HIKESHI: variants seen among roughly 807,000 people sequenced by gnomAD.
HIKESHI encodes the protein heat shock protein nuclear import factor hikeshi, also known as protein Hikeshi.
A neutral mutation model predicts 25.7 loss-of-function variants in HIKESHI; 13 were observed. The observed-to-expected ratio is 0.51, with a 90% CI of 0.33 to 0.80. The LOEUF (loss-of-function observed/expected upper bound fraction) is 0.80. HIKESHI is among the 30% of genes least tolerant of loss of function. HIKESHI has a pLI of 0.02. For missense variants in HIKESHI, 174 were observed against 229.5 expected (o/e 0.76, Z 1.56); for synonymous variants, 76 against 78.7 (o/e 0.97, Z 0.18).
At position 86,306,414 on chromosome 11, in the gene HIKESHI, G is replaced by C. The variant is rs1381591405; in HGVS notation, c.200G>C (p.Trp67Ser). 1 of 1,613,972 alleles carries C rather than the reference G, an allele frequency of 6.2e-7. No homozygotes were observed. Among genetic ancestry groups the C allele is most frequent in the South Asian group, 1.1e-5 (1 of 91,082 alleles). ...SYPDSNGMPV[W>S]QLLGFVTNGK... ...CCTGATTCAAATGGAATGCCAGTAT[G>C]GCAACTCCTAGGATTTGTCACGAAT... Residue 67 changes from tryptophan (W) to serine (S), a missense_variant, in exon 2 of 5, where the codon TGG becomes TCG. Trp to Ser is a radical substitution (Grantham distance 177). Transcript: ENST00000278483.
intron 2 of HIKESHI, among the ~76,000 whole-genome samples, chr11:86,313,102 C>A (rs1033641444): frequency 6.6e-6 from 1 of 152,136 alleles, no homozygotes; most frequent in South Asian, 2.1e-4. Flanking sequence ...TGCTTTGATA[C>A]TTTGAGGCAT....
rs71040230 is a variant in HIKESHI, at chr11:86,318,303, C to CAAAAAAAAAAAAAAAAAAAAAAAAAA, written c.268+11841_268+11842insAAAAAAAAAAAAAAAAAAAAAAAAAA. Among the ~76,000 whole-genome samples, 61 of 35,636 alleles carry CAAAAAAAAAAAAAAAAAAAAAAAAAA rather than the reference C, an allele frequency of 1.7e-3. 3 individuals are homozygous for CAAAAAAAAAAAAAAAAAAAAAAAAAA. Among genetic ancestry groups the CAAAAAAAAAAAAAAAAAAAAAAAAAA allele is most frequent in the South Asian group, 2.3e-3 (2 of 854 alleles). 23.4% of individuals were successfully genotyped at this position (35,636 alleles called of 152,430 possible). ...TGGGCGACAGAGCAAGACTCCGTCT[C>CAAAAAAAAAAAAAAAAAAAAAAAAAA]AAAAAAAAAAAAAAAAAAAATCCTG... is the stretch of plus-strand genomic sequence containing the variant. On this transcript the variant is annotated intron_variant, in intron 2 of 4. Coordinates refer to ENST00000278483, the MANE Select transcript of HIKESHI (RefSeq NM_016401.4).
intron 1 of HIKESHI, 24 bp downstream of exon 1, chr11:86,302,502 C>G: frequency 6.4e-7 from 1 of 1,556,236 alleles, no homozygotes; most frequent in Non-Finnish European, 8.7e-7. Flanking sequence ...CGGGTGATAT[C>G]AGGAAGGGGT....
intron 2 of HIKESHI, among the ~76,000 whole-genome samples, chr11:86,306,893 G>T (rs983120452): frequency 2.0e-5 from 3 of 151,296 alleles, no homozygotes; most frequent in East Asian, 3.9e-4. Context: ...CCAACTACTC[G>T]GGAGGCTGAG....
chr11:86,303,585 C>G, intron 1 of HIKESHI: 1 of 178,792 alleles, frequency 5.6e-6, no homozygotes, highest in Non-Finnish European at 1.1e-5. Context: ...AATAAAAAGC[C>G]TATTTGGAAT....
At chr11:86,321,889 C>T (rs1434966553) in intron 2 of HIKESHI, among the ~76,000 whole-genome samples, 1 of 152,146 alleles carries the variant, frequency 6.6e-6, no homozygotes, top group Non-Finnish European at 1.5e-5. Flanking sequence ...TTCTGATCAA[C>T]ACTTGGTATG....
chr11:86,342,116 T>TA (rs1462275602), intron 3 of HIKESHI, among the ~76,000 whole-genome samples: 11 of 152,208 alleles, frequency 7.2e-5, no homozygotes, highest in Admixed American at 5.9e-4. Context: ...TTACTGGTGA[T>TA]ATTGAGCATC....
In HIKESHI at chr11:86,335,611, C is replaced by T. The variant is rs143070052; in HGVS notation, c.269-1768C>T. Among the ~76,000 whole-genome samples the T allele has an allele frequency of 1.9e-3, 287 of 152,294 alleles. 1 individual carries two copies. Among genetic ancestry groups the T allele is most frequent in the African/African-American group, 6.7e-3 (280 of 41,554 alleles). ...TAAAGGCATGTCCCAACACGCAGAGCCCATCTGCAAAGACTGGCAGAATTT... is the reference window on the plus strand; with the variant it reads ...TAAAGGCATGTCCCAACACGCAGAGTCCATCTGCAAAGACTGGCAGAATTT... On this transcript the variant is annotated intron_variant, in intron 2 of 4. Coordinates refer to ENST00000278483, the MANE Select transcript of HIKESHI (RefSeq NM_016401.4).
chr11:86,310,759 G>T (rs540266310), intron 2 of HIKESHI, among the ~76,000 whole-genome samples: 2 of 152,158 alleles, frequency 1.3e-5, no homozygotes, highest in African/African-American at 4.8e-5. Flanking sequence ...TTTATTGGGA[G>T]TTTTTAGCAT....
At chr11:86,325,470 C>G (rs1947255332) in intron 2 of HIKESHI, among the ~76,000 whole-genome samples, 2 of 152,010 alleles carry the variant, frequency 1.3e-5, no homozygotes, top group South Asian at 4.1e-4. Context: ...TGGTTAAGAA[C>G]TCAGGTAGGA....
At chr11:86,337,268 A>G in intron 2 of HIKESHI, 111 bp from the exon 3 acceptor site, 1 of 978,680 alleles carries the variant, frequency 1.0e-6, no homozygotes. Flanking sequence ...ACAAACTTGG[A>G]CATAAAACTT....
intron 3 of HIKESHI, among the ~76,000 whole-genome samples, chr11:86,339,426 T>C (rs1947661714): frequency 6.6e-6 from 1 of 152,212 alleles, no homozygotes; most frequent in Non-Finnish European, 1.5e-5. Context: ...CAGAGCTCTC[T>C]TTATGGTGGG....
chr11:86,330,231 A>T (rs1401839485), intron 2 of HIKESHI, among the ~76,000 whole-genome samples: 1 of 152,238 alleles, frequency 6.6e-6, no homozygotes, highest in Admixed American at 6.5e-5. Flanking sequence ...TTTGACAACT[A>T]TGAAACCAGA....
At chr11:86,303,809 TTTC>T (rs1416723569) in intron 1 of HIKESHI, among the ~76,000 whole-genome samples, 1 of 152,204 alleles carries the variant, frequency 6.6e-6, no homozygotes, top group Non-Finnish European at 1.5e-5. Flanking sequence ...CCAGTTTTTA[TTTC>T]TTAAGATTTT....
intron 2 of HIKESHI, among the ~76,000 whole-genome samples, chr11:86,323,393 T>G (rs1947198327): frequency 6.6e-6 from 1 of 152,156 alleles, no homozygotes. Flanking sequence ...AATAAATACT[T>G]ATATCTATAT....
chr11:86,306,788 G>A (rs957850855), intron 2 of HIKESHI, among the ~76,000 whole-genome samples: 1 of 151,520 alleles, frequency 6.6e-6, no homozygotes, highest in Admixed American at 6.6e-5. Flanking sequence ...CACGAGGTCA[G>A]GAGATCGAGA....
intron 2 of HIKESHI, among the ~76,000 whole-genome samples, chr11:86,311,908 C>T (rs1259733836): frequency 6.6e-6 from 1 of 152,116 alleles, no homozygotes; most frequent in East Asian, 1.9e-4. Flanking sequence ...AGTTTGAATG[C>T]CCTGTGGTCT....
rs1417815299 is a variant in HIKESHI, at chr11:86,302,458, T to C, written c.10T>C (p.Cys4Arg). The C allele has an allele frequency of 1.3e-6, 2 of 1,557,468 alleles. No individual in the cohort carries two copies. Among genetic ancestry groups the C allele is most frequent in the Middle Eastern group, 1.7e-4 (1 of 6,010 alleles). Residue 4 changes from cysteine (C) to arginine (R), a missense_variant, in exon 1 of 5, where the codon TGC becomes CGC. Cys to Arg is a radical substitution (Grantham distance 180). Coordinates refer to ENST00000278483, the MANE Select transcript of HIKESHI (RefSeq NM_016401.4). ...CGGAGCTGCCGTCGCCATGTTTGGC[T>C]GCTTGGTGGCGGGGAGGCTGGTGAG... MFG[C>R]LVAGRLVQTA...
intron 2 of HIKESHI, among the ~76,000 whole-genome samples, chr11:86,319,244 T>A (rs868574090): frequency 0.017 from 1,728 of 100,028 alleles, 15 homozygotes; most frequent in African/African-American, 0.07. Context: ...ATATATATAT[T>A]TTTTTTTTTT....
Sources: gnomAD v4.1 joint callset for allele counts (sites outside exome capture counted in the v4.1 genomes callset) on GRCh38, gnomAD v4.1.1 for gene constraint, MANE v1.5 for transcripts, NCBI Gene and HGNC (gene_info 2026-07-23, HGNC 2026-07-21) for gene names.